The following CHTF8 variants were observed in gnomAD, a reference collection of about 807,000 sequenced individuals.
The protein encoded by CHTF8 is chromosome transmission fidelity factor 8.
Under a neutral mutation model 11.0 loss-of-function variants are expected in CHTF8, and 6 were observed. The ratio of observed to expected loss-of-function variants is 0.55; its 90% CI spans 0.30 to 1.08. CHTF8 has a LOEUF of 1.08. Among genes scored for constraint, CHTF8 ranks in the 50% least tolerant of loss-of-function variants. CHTF8 has a pLI of 0.07. For synonymous variants in CHTF8, 53 were observed against 60.5 expected, an observed-to-expected ratio of 0.88 and a Z score of 0.57; for missense variants, 140 against 153.1, an observed-to-expected ratio of 0.91 and a Z score of 0.45.
Position 69,120,436 on chromosome 16 carries a change from T to G in CHTF8, c.355A>C (p.Lys119Gln). 1.2e-6 allele frequency: 2 copies of G among 1,614,118 alleles called. No homozygotes were observed. The highest frequency in any genetic ancestry group is 1.7e-5 in the Admixed American group (1 of 60,022). ...RPKPIITSVP[K>Q]KV ...AATCCGAGGTTCTTTCATACTTTCT[T>G]GGGGACGCTGGTGATAATGGGCTTG... The change falls in exon 4 of 4, where the codon AAG (lysine) becomes CAG (glutamine). Residue 119 changes from lysine (K) to glutamine (Q), a missense_variant. By Grantham distance (53) the Lys-to-Gln change is moderately conservative. Coordinates refer to ENST00000448552, the MANE Select transcript of CHTF8 (RefSeq NM_001039690.5). This position sits in a 1 kb window ranked among gnomAD's most constrained non-coding sequence, Gnocchi z 4.0.
chr16:69,124,363 G>A (rs1184971779), intron 1 of CHTF8, among the ~76,000 whole-genome samples: 2 of 152,138 alleles, frequency 1.3e-5, no homozygotes, highest in Non-Finnish European at 1.5e-5. Context: ...AGTATGGAAA[G>A]TTAATAGGTA....
In CHTF8 at chr16:69,118,278, C is replaced by CAATGTAT; in HGVS notation, c.*2146_*2147insATACATT. The CAATGTAT allele has an allele frequency of 1.1e-6, 1 of 915,714 alleles. No homozygotes were observed. The highest frequency in any genetic ancestry group is 1.8e-6 in the Non-Finnish European group (1 of 551,756). 56.7% of individuals were successfully genotyped at this position (915,714 alleles called of 1,614,324 possible). A position where few individuals can be genotyped will look rare whatever the true frequency, so the allele number is the denominator to read the frequency against. On this transcript the variant is annotated 3_prime_UTR_variant, in exon 4 of 4. Coordinates refer to ENST00000448552, the MANE Select transcript of CHTF8 (RefSeq NM_001039690.5). The stretch of plus-strand genomic sequence containing the variant: ...GTCCCAGGAGAAGGGAGCTGCAGGC[C>CAATGTAT]CAGTCAGTCAAGCAGAAACTGCATT...
chr16:69,128,644 C>T (rs1213036646), intron 1 of CHTF8, among the ~76,000 whole-genome samples: 1 of 152,224 alleles, frequency 6.6e-6, no homozygotes, highest in East Asian at 1.9e-4. Context: ...TTCAAAGAAT[C>T]AATCCTGACC....
chr16:69,132,586 A>G lies in CHTF8; in HGVS notation c.-138T>C. On this transcript the variant is annotated 5_prime_UTR_variant, in exon 1 of 4. Transcript: ENST00000448552. ...CGCGAGCACTGCCTGCGCACTTCCG[A>G]CTATGCGCCAGGAGCACTTCCGGGG... The G allele has an allele frequency of 2.5e-6, 1 of 407,360 alleles. No individual in the cohort carries two copies. The highest frequency in any genetic ancestry group is 1.6e-5 in the South Asian group (1 of 60,816). 25.2% of individuals were successfully genotyped at this position (407,360 alleles called of 1,614,324 possible). A position where few individuals can be genotyped will look rare whatever the true frequency, so the allele number is the denominator to read the frequency against.
At chr16:69,123,311 G>A (rs567411973) in intron 1 of CHTF8, among the ~76,000 whole-genome samples, 1 of 152,260 alleles carries the variant, frequency 6.6e-6, no homozygotes, top group Admixed American at 6.5e-5. Flanking sequence ...AATGATGTAA[G>A]CTTCAAGTCT....
In CHTF8 at chr16:69,120,488, T is replaced by C; in HGVS notation, c.303A>G (p.Lys101=). Residue 101 remains lysine, a synonymous_variant, in exon 4 of 4, where the codon AAA becomes AAG. Transcript: ENST00000448552. This position sits in a 1 kb window ranked among gnomAD's most constrained non-coding sequence, Gnocchi z 4.0. ...GGCGGGTTTTGAAAAGGATCTTGTC[T>C]TTGATGAGTGCTGTCACCAGGTACC... ...GTRYLVTALI[K]DKILFKTRPK... is the part of the protein sequence containing the mutation. The C allele has an allele frequency of 6.2e-7, 1 of 1,614,128 alleles. No individual in the cohort carries two copies. Among genetic ancestry groups the C allele is most frequent in the Non-Finnish European group, 8.5e-7 (1 of 1,180,008 alleles).
intron 1 of CHTF8, among the ~76,000 whole-genome samples, chr16:69,128,729 C>G (rs769595858): frequency 3.3e-5 from 5 of 152,062 alleles, no homozygotes; most frequent in Non-Finnish European, 7.4e-5. Context: ...CTTATTTAAC[C>G]AGCATTTGGC....
In CHTF8 at chr16:69,120,924, A is replaced by G; in HGVS notation, c.141+129T>C. 1.2e-6 allele frequency: 1 copy of G among 842,820 alleles called. No individual in the cohort carries two copies. 52.2% of individuals were successfully genotyped at this position (842,820 alleles called of 1,614,324 possible). A position where few individuals can be genotyped will look rare whatever the true frequency, so the allele number is the denominator to read the frequency against. ...GCAGAGGTAGGGGGAGAACAAGCAG[A>G]GAGCATCGCAGATTAGCTAGGCCTT... On this transcript the variant is annotated intron_variant, in intron 3 of 3. Transcript: ENST00000448552. This position sits in a 1 kb window ranked among gnomAD's most constrained non-coding sequence, Gnocchi z 4.0.
chr16:69,123,709 G>A (rs978368425), intron 1 of CHTF8, among the ~76,000 whole-genome samples: 3 of 152,134 alleles, frequency 2.0e-5, no homozygotes, highest in Non-Finnish European at 4.4e-5. Context: ...CATCTTTAGT[G>A]AATGGTAAGC....
chr16:69,123,636 A>G (rs1253666068), intron 1 of CHTF8, among the ~76,000 whole-genome samples: 1 of 152,124 alleles, frequency 6.6e-6, no homozygotes, highest in East Asian at 1.9e-4. Context: ...CGACAGAGTG[A>G]GACTGTCTCA....
chr16:69,119,342 G>A lies in CHTF8; in HGVS notation c.*1083C>T. The A allele has an allele frequency of 1.4e-6, 1 of 703,084 alleles. No homozygotes were observed. The highest frequency in any genetic ancestry group is 2.7e-5 in the East Asian group (1 of 37,284). 43.6% of individuals were successfully genotyped at this position (703,084 alleles called of 1,614,324 possible). ...AAGGCAGATGAACCTGCTCCCCTGG[G>A]AAAGGGATTGGCATTTACCCCCATG... On this transcript the variant is annotated 3_prime_UTR_variant, in exon 4 of 4. Transcript: ENST00000448552.
At chr16:69,125,199 C>T (rs201349352) in intron 1 of CHTF8, among the ~76,000 whole-genome samples, 2 of 152,080 alleles carry the variant, frequency 1.3e-5, no homozygotes, top group Non-Finnish European at 2.9e-5. Flanking sequence ...TCATTGCGCC[C>T]GGCCAACTCA....
chr16:69,124,217 T>C (rs912180848), intron 1 of CHTF8, among the ~76,000 whole-genome samples: 1 of 152,166 alleles, frequency 6.6e-6, no homozygotes, highest in Non-Finnish European at 1.5e-5. Context: ...CTAAAGACAA[T>C]TGGCTTCACT....
intron 2 of CHTF8, 73 bp downstream of exon 2, chr16:69,121,363 T>C: frequency 7.1e-7 from 1 of 1,400,494 alleles, no homozygotes; most frequent in Non-Finnish European, 9.9e-7. Flanking sequence ...ACCCTGATTC[T>C]TCCAGACACA....
At position 69,129,885 on chromosome 16, in the gene CHTF8, A is replaced by C. The variant is rs77269071; in HGVS notation, c.-36+2599T>G. Among the ~76,000 whole-genome samples, 57 of 152,354 alleles carry C rather than the reference A, an allele frequency of 3.7e-4. 1 individual carries two copies. The highest frequency in any genetic ancestry group is 3.0e-3 in the Admixed American group (46 of 15,300). On this transcript the variant is annotated intron_variant, in intron 1 of 3. Coordinates refer to ENST00000448552, the MANE Select transcript of CHTF8 (RefSeq NM_001039690.5). ...GTGGGGTAGGCAGCTAAAAACAAAG[A>C]AGCAGCTTGCTTTTTATCATACCCA...
chr16:69,123,925 TAAAAAAAAAA>T (rs757493986), intron 1 of CHTF8, among the ~76,000 whole-genome samples: 5 of 76,962 alleles, frequency 6.5e-5, no homozygotes, highest in Non-Finnish European at 1.3e-4. Flanking sequence ...CCATCTCTAC[TAAAAAAAAAA>T]AAAAAAAAAA....
intron 1 of CHTF8, among the ~76,000 whole-genome samples, chr16:69,123,038 C>A (rs1961799231): frequency 6.6e-6 from 1 of 152,096 alleles, no homozygotes; most frequent in Non-Finnish European, 1.5e-5. Flanking sequence ...GGATTATAGG[C>A]TTGAGCCACT....
In CHTF8 at chr16:69,118,368, G is replaced by C. The variant is rs1180734484; in HGVS notation, c.*2057C>G. ...TCTGTGTTCAAGCCCCCAGGGAAAG[G>C]TATGGCAGTAGAGGATGACCAGGTC... On this transcript the variant is annotated 3_prime_UTR_variant, in exon 4 of 4. Transcript: ENST00000448552. 1 of 1,607,744 alleles carries C rather than the reference G, an allele frequency of 6.2e-7. No individual in the cohort carries two copies. Among genetic ancestry groups the C allele is most frequent in the East Asian group, 2.2e-5 (1 of 44,864 alleles).
chr16:69,118,668 AC>A lies in CHTF8; in HGVS notation c.*1756del, dbSNP rs1422067953. ...GGATTATTCCCACCTGCCACAGTTCACATGCCACAAATAACATCTCACCTTC... is the reference window on the plus strand; with the variant it reads ...GGATTATTCCCACCTGCCACAGTTCAATGCCACAAATAACATCTCACCTTC... On this transcript the variant is annotated 3_prime_UTR_variant, in exon 4 of 4. Transcript: ENST00000448552. 5 of 684,070 alleles carry A rather than the reference AC, an allele frequency of 7.3e-6. No homozygotes were observed. The African/African-American group carries it at 8.9e-5, about 12-fold the overall frequency. 42.4% of individuals were successfully genotyped at this position (684,070 alleles called of 1,614,324 possible).
Sources: allele counts gnomAD v4.1 joint callset (sites outside exome capture counted in the v4.1 genomes callset), GRCh38; gene constraint gnomAD v4.1.1; non-coding constraint Gnocchi (gnomAD v3.1); transcripts MANE v1.5; gene names NCBI Gene and HGNC (gene_info 2026-07-23, HGNC 2026-07-21).